Variants in EIF2S1 observed in about 807,000 individuals in gnomAD.
EIF2S1 encodes eukaryotic translation initiation factor 2 subunit alpha.
In EIF2S1, 5 loss-of-function variants were observed where a neutral mutation model predicts 33.5. The observed-to-expected ratio is 0.15, with a 90% CI of 0.08 to 0.31. The LOEUF is 0.31. Ranked by LOEUF, EIF2S1 falls within the 10% of genes least tolerant of loss-of-function variation. The pLI is 1.00. For missense variants in EIF2S1, 191 were observed against 384.6 expected, an observed-to-expected ratio of 0.50 and a Z score of 4.21; for synonymous variants, 99 against 127.5, an observed-to-expected ratio of 0.78 and a Z score of 1.51.
intron 2 of EIF2S1, among the ~76,000 whole-genome samples, chr14:67,371,307 CTACT>C (rs2085819377): frequency 6.6e-6 from 1 of 151,804 alleles, no homozygotes; most frequent in African/African-American, 2.4e-5. Flanking sequence ...GTAGTTCCAG[CTACT>C]TGGGAGGCTG....
intron 1 of EIF2S1, 182 bp from the exon 2 acceptor site, chr14:67,364,585 C>A: frequency 1.8e-6 from 1 of 556,712 alleles, no homozygotes. Context: ...AAAATTAAAG[C>A]TTGGTTCCTG....
At chr14:67,382,132 A>G (rs1392071286) in intron 6 of EIF2S1, among the ~76,000 whole-genome samples, 1 of 152,100 alleles carries the variant, frequency 6.6e-6, no homozygotes, top group African/African-American at 2.4e-5. Context: ...CAAATTATCC[A>G]TTATACTGAT....
intron 1 of EIF2S1, among the ~76,000 whole-genome samples, chr14:67,361,143 A>G (rs922786133): frequency 6.6e-6 from 1 of 152,202 alleles, no homozygotes; most frequent in East Asian, 1.9e-4. Flanking sequence ...TAAGATAAGG[A>G]TATATTTTCG....
intron 3 of EIF2S1, among the ~76,000 whole-genome samples, chr14:67,374,892 A>G (rs928955661): frequency 1.3e-5 from 2 of 152,178 alleles, no homozygotes; most frequent in East Asian, 1.9e-4. Flanking sequence ...AAGTGAGCCA[A>G]TGCACTTGGC....
intron 2 of EIF2S1, among the ~76,000 whole-genome samples, chr14:67,366,709 T>C (rs1054631400): frequency 3.9e-5 from 6 of 152,310 alleles, no homozygotes; most frequent in African/African-American, 1.4e-4. Flanking sequence ...TATGTCCTCC[T>C]AGACAAGCCT....
At chr14:67,372,126 T>TA (rs34922343) in intron 2 of EIF2S1, among the ~76,000 whole-genome samples, 15 of 150,744 alleles carry the variant, frequency 1.0e-4, no homozygotes, top group South Asian at 4.2e-4. Flanking sequence ...TCTTTTTATT[T>TA]AAAAAAAAAA....
intron 1 of EIF2S1, among the ~76,000 whole-genome samples, chr14:67,362,485 GTGATAC>G (rs1452967477): frequency 1.3e-5 from 2 of 152,092 alleles, no homozygotes; most frequent in Admixed American, 6.6e-5. Context: ...ACGTATACAT[GTGATAC>G]CCTCAGTAAA....
intron 1 of EIF2S1, chr14:67,360,851 T>C (rs1011314537): frequency 3.9e-5 from 6 of 152,190 alleles, no homozygotes; most frequent in African/African-American, 1.4e-4. Context: ...TTCCATCTTT[T>C]CTTCCGCCCC....
At chr14:67,382,226 A>G (rs1337406939) in intron 6 of EIF2S1, among the ~76,000 whole-genome samples, 1 of 151,838 alleles carries the variant, frequency 6.6e-6, no homozygotes. Context: ...TGTTTATACT[A>G]TTGCATTAGA....
chr14:67,361,709 T>C (rs1017504887), intron 1 of EIF2S1, among the ~76,000 whole-genome samples: 2 of 152,236 alleles, frequency 1.3e-5, no homozygotes, highest in East Asian at 1.9e-4. Context: ...TTGGTTGATA[T>C]ATTTTGAAAG....
At position 67,382,558 on chromosome 14, in the gene EIF2S1, G is replaced by A; in HGVS notation, c.790G>A (p.Glu264Lys). Residue 264 changes from glutamate to lysine, a missense_variant, in exon 7 of 8, where the codon GAA (glutamate) becomes AAA (lysine). Glu to Lys is a moderately conservative substitution (Grantham distance 56). Transcript: ENST00000256383. The stretch of plus-strand genomic sequence containing the variant: ...GGCTGTTATCAAAGAGAAGATTGAG[G>A]AAAAGAGGGGTGTGTTCAATGTTCA... ...AMAVIKEKIEEKRGVFNVQME... is the reference protein window; with the variant it reads ...AMAVIKEKIEKKRGVFNVQME... The A allele has an allele frequency of 6.2e-7, 1 of 1,613,926 alleles. No homozygotes were observed. Among genetic ancestry groups the A allele is most frequent in the Non-Finnish European group, 8.5e-7 (1 of 1,179,904 alleles).
chr14:67,375,823 C>G (rs2085854994), intron 3 of EIF2S1, among the ~76,000 whole-genome samples: 1 of 152,122 alleles, frequency 6.6e-6, no homozygotes, highest in Non-Finnish European at 1.5e-5. Flanking sequence ...TTGAGAAGCA[C>G]TTTTCTGGGA....
chr14:67,378,032 C>T (rs2085866606), intron 4 of EIF2S1, among the ~76,000 whole-genome samples: 1 of 151,708 alleles, frequency 6.6e-6, no homozygotes, highest in South Asian at 2.1e-4. Flanking sequence ...AGGAGGATCA[C>T]TTGAGTCCAG....
intron 2 of EIF2S1, among the ~76,000 whole-genome samples, chr14:67,369,188 T>C (rs555913674): frequency 4.6e-4 from 70 of 152,332 alleles, no homozygotes; most frequent in Non-Finnish European, 8.5e-4. Flanking sequence ...TAAAAAGATA[T>C]GCTATGCAGA....
At chr14:67,369,302 A>G (rs1022133918) in intron 2 of EIF2S1, among the ~76,000 whole-genome samples, 17 of 152,378 alleles carry the variant, frequency 1.1e-4, no homozygotes, top group African/African-American at 3.4e-4. Context: ...TAAAGGGTCA[A>G]TTTGTTAGAA....
At chr14:67,377,633 T>C (rs1472576106) in intron 4 of EIF2S1, among the ~76,000 whole-genome samples, 1 of 152,240 alleles carries the variant, frequency 6.6e-6, no homozygotes, top group East Asian at 1.9e-4. Flanking sequence ...TTGCCACCTA[T>C]GCCCAGCTGC....
chr14:67,381,700 G>T lies in EIF2S1; in HGVS notation c.678+10G>T. The T allele has an allele frequency of 6.3e-7, 1 of 1,592,828 alleles. No individual in the cohort carries two copies. Among genetic ancestry groups the T allele is most frequent in the Non-Finnish European group, 8.6e-7 (1 of 1,162,272 alleles). On this transcript the variant is annotated intron_variant, in intron 6 of 7. Coordinates refer to ENST00000256383, the MANE Select transcript of EIF2S1 (RefSeq NM_004094.5). ...AAACATGCCCATTAAGGTGAGTCATGAGTTGTCTCCCTCCCTGCTGAAATG... is the reference window on the plus strand; with the variant it reads ...AAACATGCCCATTAAGGTGAGTCATTAGTTGTCTCCCTCCCTGCTGAAATG...
chr14:67,368,884 A>G (rs1858742745), intron 2 of EIF2S1, among the ~76,000 whole-genome samples: 1 of 152,228 alleles, frequency 6.6e-6, no homozygotes, highest in African/African-American at 2.4e-5. Flanking sequence ...TACAAAATAC[A>G]CTATTGTAAA....
At chr14:67,377,152 C>T (rs2085861313) in intron 4 of EIF2S1, among the ~76,000 whole-genome samples, 1 of 152,152 alleles carries the variant, frequency 6.6e-6, no homozygotes, top group African/African-American at 2.4e-5. Context: ...TCTCTCTTAT[C>T]CAACATAGGC....
Sources: allele counts gnomAD v4.1 joint callset (sites outside exome capture counted in the v4.1 genomes callset), GRCh38; gene constraint gnomAD v4.1.1; transcripts MANE v1.5; gene names NCBI Gene and HGNC (gene_info 2026-07-23, HGNC 2026-07-21).